Variants in HPGDS observed in about 807,000 individuals in gnomAD.
HPGDS encodes the protein hematopoietic prostaglandin D synthase, also known as GST class-sigma.
In HPGDS, 26 loss-of-function variants were observed where a neutral mutation model predicts 23.1. That is an observed-to-expected ratio of 1.13 (90% confidence interval 0.83 to 1.56). The LOEUF (loss-of-function observed/expected upper bound fraction) is 1.56, where lower values mean the gene tolerates loss of function less well. Ranked by LOEUF, HPGDS falls within the 40% of genes most tolerant of loss-of-function variation. The pLI is 0.00. For synonymous variants in HPGDS, 95 were observed against 77.9 expected (o/e 1.22, Z -1.16); for missense variants, 268 against 236.4 (o/e 1.13, Z -0.88).
intron 1 of HPGDS, among the ~76,000 whole-genome samples, chr4:94,340,425 A>G (rs1306876519): frequency 8.8e-6 from 1 of 113,416 alleles, no homozygotes; most frequent in East Asian, 2.8e-4. Context: ...TGCAAGCTCC[A>G]CCTCCCGGGT....
chr4:94,338,955 A>G (rs1219465553), intron 1 of HPGDS, among the ~76,000 whole-genome samples: 1 of 152,234 alleles, frequency 6.6e-6, no homozygotes, highest in Non-Finnish European at 1.5e-5. Flanking sequence ...CTGATGTACC[A>G]GATAGCAAGA....
At chr4:94,322,568 C>A (rs1006783977) in intron 2 of HPGDS, among the ~76,000 whole-genome samples, 5 of 152,116 alleles carry the variant, frequency 3.3e-5, no homozygotes, top group African/African-American at 1.2e-4. Context: ...TTATAGTATT[C>A]TCTGATGGTA....
intron 1 of HPGDS, among the ~76,000 whole-genome samples, chr4:94,339,658 C>T (rs1363411429): frequency 6.6e-6 from 1 of 152,048 alleles, no homozygotes; most frequent in Non-Finnish European, 1.5e-5. Flanking sequence ...TTTTAAAGTA[C>T]TATCTTGGGT....
chr4:94,302,994 C>G (rs1353690191), intron 4 of HPGDS, among the ~76,000 whole-genome samples: 1 of 151,896 alleles, frequency 6.6e-6, no homozygotes, highest in Non-Finnish European at 1.5e-5. Flanking sequence ...AAGAATTCTG[C>G]CTGTTTGAGT....
intron 2 of HPGDS, among the ~76,000 whole-genome samples, chr4:94,329,382 T>C (rs1029616854): frequency 2.6e-5 from 4 of 152,278 alleles, no homozygotes; most frequent in Non-Finnish European, 5.9e-5. Context: ...TTGAGAAAGA[T>C]ATTAAAAATC....
intron 2 of HPGDS, among the ~76,000 whole-genome samples, chr4:94,321,933 A>G (rs191918241): frequency 0.025 from 3,774 of 152,154 alleles, 106 homozygotes; most frequent in African/African-American, 0.075. Context: ...TTTGAGATAC[A>G]TCCCATCAAT....
Position 94,317,932 on chromosome 4 carries a change from A to T in HPGDS, c.167T>A (p.Val56Asp), listed in dbSNP as rs748090845. 1.2e-6 allele frequency: 2 copies of T among 1,611,816 alleles called. No homozygotes were observed. Among genetic ancestry groups the T allele is most frequent in the Non-Finnish European group, 1.7e-6 (2 of 1,178,946 alleles). ...LPFGKIPILEVDGLTLHQSLA... is the reference protein window; with the variant it reads ...LPFGKIPILEDDGLTLHQSLA... ...GCTCTGGTGAAGAGTAAGTCCATCA[A>T]CTTCCAAAATGGGGATTTTTCCAAA... is the stretch of plus-strand genomic sequence containing the variant. Residue 56 changes from valine to aspartate, a missense_variant, in exon 3 of 6, where the codon GTT (valine) becomes GAT (aspartate). Physicochemically the swap from Val to Asp is radical, Grantham distance 152. Transcript: ENST00000295256.
intron 3 of HPGDS, among the ~76,000 whole-genome samples, chr4:94,314,790 T>G (rs191230191): frequency 0.025 from 3,768 of 152,220 alleles, 105 homozygotes; most frequent in African/African-American, 0.075. Flanking sequence ...GCTCCACCCC[T>G]TTCGAGCTTC....
chr4:94,314,630 G>A (rs547522162), intron 3 of HPGDS, among the ~76,000 whole-genome samples: 1 of 152,258 alleles, frequency 6.6e-6, no homozygotes, highest in East Asian at 1.9e-4. Flanking sequence ...CAGATCTCAA[G>A]CTGCATGCTG....
rs140905181 is a variant in HPGDS at position 94,329,015 on chromosome 4, T to G, written c.133+5482A>C. Among the ~76,000 whole-genome samples, 1,298 of 152,344 alleles carry G rather than the reference T, an allele frequency of 8.5e-3. 8 individuals are homozygous for G. The highest frequency in any genetic ancestry group is 0.054 in the Middle Eastern group (16 of 294). Reference sequence around the variant, plus strand: ...TGAGTGTCCCAACTACTATTTTTGGTGCCTGAGATACTTCAGTGAGCAAAA... The same window carrying G: ...TGAGTGTCCCAACTACTATTTTTGGGGCCTGAGATACTTCAGTGAGCAAAA... On this transcript the variant is annotated intron_variant, in intron 2 of 5. Coordinates refer to ENST00000295256, the MANE Select transcript of HPGDS (RefSeq NM_014485.3).
At chr4:94,330,697 T>G (rs928564794) in intron 2 of HPGDS, among the ~76,000 whole-genome samples, 2 of 152,210 alleles carry the variant, frequency 1.3e-5, no homozygotes, top group African/African-American at 4.8e-5. Context: ...CTTTCTTCTT[T>G]TATTTTTCAT....
intron 2 of HPGDS, among the ~76,000 whole-genome samples, chr4:94,328,771 C>G (rs1373902046): frequency 6.6e-6 from 1 of 152,134 alleles, no homozygotes; most frequent in Non-Finnish European, 1.5e-5. Context: ...GTATTGACCA[C>G]AACTTTCCCA....
chr4:94,306,390 A>C (rs1239548566), intron 4 of HPGDS, among the ~76,000 whole-genome samples: 1 of 152,124 alleles, frequency 6.6e-6, no homozygotes, highest in Non-Finnish European at 1.5e-5. Flanking sequence ...TATTTTTAAA[A>C]AGATAGAACC....
chr4:94,329,923 T>C (rs1247203164), intron 2 of HPGDS, among the ~76,000 whole-genome samples: 2 of 152,242 alleles, frequency 1.3e-5, no homozygotes, highest in Non-Finnish European at 2.9e-5. Context: ...GTGATGTGGC[T>C]GGCAAAATAA....
intron 2 of HPGDS, among the ~76,000 whole-genome samples, chr4:94,321,908 A>G (rs375843740): frequency 6.6e-6 from 1 of 152,044 alleles, no homozygotes; most frequent in African/African-American, 2.4e-5. Flanking sequence ...GTTTGTCATA[A>G]ATAGCTCTTA....
At chr4:94,303,927 G>T (rs1460714123) in intron 4 of HPGDS, 4 of 152,058 alleles carry the variant, frequency 2.6e-5, no homozygotes, top group Non-Finnish European at 4.4e-5. Context: ...TCAGTCTAAT[G>T]AAATGTAAAT....
At chr4:94,335,945 C>A (rs1720999236) in intron 1 of HPGDS, among the ~76,000 whole-genome samples, 2 of 152,164 alleles carry the variant, frequency 1.3e-5, no homozygotes, top group Non-Finnish European at 2.9e-5. Context: ...GTGGCTCATG[C>A]CTGTAATCCC....
At chr4:94,307,346 C>T (rs1285875817) in intron 4 of HPGDS, among the ~76,000 whole-genome samples, 4 of 151,652 alleles carry the variant, frequency 2.6e-5, no homozygotes, top group Non-Finnish European at 5.9e-5. Flanking sequence ...ATAAAGATCT[C>T]AGGATGACAA....
At chr4:94,302,804 G>A (rs992894981) in intron 4 of HPGDS, among the ~76,000 whole-genome samples, 1 of 151,874 alleles carries the variant, frequency 6.6e-6, no homozygotes, top group Non-Finnish European at 1.5e-5. Context: ...TCTACAAAAT[G>A]CATCATCTAG....
Sources: allele counts gnomAD v4.1 joint callset (sites outside exome capture counted in the v4.1 genomes callset), GRCh38; gene constraint gnomAD v4.1.1; transcripts MANE v1.5; gene names NCBI Gene and HGNC (gene_info 2026-07-23, HGNC 2026-07-21).